The following EPSTI1 variants were observed in gnomAD, a reference collection of about 807,000 sequenced individuals.
EPSTI1 encodes the protein epithelial-stromal interaction protein 1.
In EPSTI1, 66 loss-of-function variants were observed where a neutral mutation model predicts 49.9. The observed-to-expected ratio is 1.32, with a 90% CI of 1.08 to 1.62. The LOEUF (loss-of-function observed/expected upper bound fraction) is 1.62, where lower values mean the gene tolerates loss of function less well. Among genes scored for constraint, EPSTI1 ranks in the 40% most tolerant of loss-of-function variants. The pLI, the probability that EPSTI1 is intolerant of heterozygous loss-of-function variation, is 0.00. For synonymous variants in EPSTI1, 137 were observed against 130.7 expected, an observed-to-expected ratio of 1.05 and a Z score of -0.33; for missense variants, 394 against 365.5, an observed-to-expected ratio of 1.08 and a Z score of -0.64.
At chr13:42,920,030 A>G (rs966908226) in intron 7 of EPSTI1, among the ~76,000 whole-genome samples, 10 of 152,002 alleles carry the variant, frequency 6.6e-5, no homozygotes, top group African/African-American at 2.4e-4. Flanking sequence ...TCTTCACATC[A>G]TCTCCCTTGT....
chr13:42,939,573 A>T (rs1347990020), intron 6 of EPSTI1, among the ~76,000 whole-genome samples: 2 of 152,204 alleles, frequency 1.3e-5, no homozygotes, highest in African/African-American at 4.8e-5. Context: ...CAGTCAGGGG[A>T]ACAGTTAGAA....
intron 6 of EPSTI1, among the ~76,000 whole-genome samples, chr13:42,941,441 T>TA (rs1331058963): frequency 1.3e-5 from 2 of 152,244 alleles, no homozygotes; most frequent in East Asian, 3.9e-4. Context: ...TAGTCATTTT[T>TA]AAAGATAGTT....
intron 1 of EPSTI1, among the ~76,000 whole-genome samples, chr13:42,977,443 A>G (rs2153434810): frequency 6.6e-6 from 1 of 152,362 alleles, no homozygotes; most frequent in East Asian, 1.9e-4. Context: ...TTGAGACATA[A>G]GTGGAAGTCA....
intron 3 of EPSTI1, 53 bp from the exon 4 acceptor site, chr13:42,964,192 C>T: frequency 4.1e-6 from 6 of 1,448,542 alleles, no homozygotes; most frequent in Non-Finnish European, 5.8e-6. Context: ...GCTGAAATGT[C>T]AGCCATCGAG....
At chr13:42,925,315 C>T (rs6561094) in intron 7 of EPSTI1, among the ~76,000 whole-genome samples, 101,521 of 152,092 alleles carry the variant, frequency 0.67, 34,140 homozygotes, top group Non-Finnish European at 0.71. Flanking sequence ...TTCCAATACC[C>T]TCAGTGCTCA....
chr13:42,901,133 C>T (rs1006673310), intron 8 of EPSTI1, among the ~76,000 whole-genome samples: 4 of 151,534 alleles, frequency 2.6e-5, no homozygotes, highest in African/African-American at 9.7e-5. Context: ...ATTTCAAAGA[C>T]AAAAAAAATG....
rs114130220 is a variant in EPSTI1, at chr13:42,893,482, T to C, written c.915+1527A>G. On this transcript the variant is annotated intron_variant, in intron 10 of 10. Transcript: ENST00000313624. Reference sequence around the variant, plus strand: ...AAAGCACTGATAACCCATTTGGACTTGGATATGCCCATCCTACTAAAAATT... The same window carrying C: ...AAAGCACTGATAACCCATTTGGACTCGGATATGCCCATCCTACTAAAAATT... Among the ~76,000 whole-genome samples, 877 of 152,324 alleles carry C rather than the reference T, an allele frequency of 5.8e-3. 9 individuals carry two copies. The highest frequency in any genetic ancestry group is 0.02 in the African/African-American group (822 of 41,552).
chr13:42,904,210 A>G (rs1018693575), intron 8 of EPSTI1, among the ~76,000 whole-genome samples: 1 of 152,218 alleles, frequency 6.6e-6, no homozygotes, highest in African/African-American at 2.4e-5. Context: ...TTTTAGGCTG[A>G]GACTCAGGAA....
At chr13:42,913,669 G>A (rs2037749923) in intron 8 of EPSTI1, among the ~76,000 whole-genome samples, 1 of 152,174 alleles carries the variant, frequency 6.6e-6, no homozygotes, top group Non-Finnish European at 1.5e-5. Context: ...AAAGTAGGAT[G>A]GATACTTGAA....
At chr13:42,921,937 C>A (rs763684631) in intron 7 of EPSTI1, among the ~76,000 whole-genome samples, 1 of 151,968 alleles carries the variant, frequency 6.6e-6, no homozygotes, top group African/African-American at 2.4e-5. Context: ...CGTCAAGAGG[C>A]ATTTTGTAGA....
intron 5 of EPSTI1, among the ~76,000 whole-genome samples, chr13:42,957,996 C>T (rs1315981737): frequency 2.0e-5 from 3 of 152,198 alleles, no homozygotes; most frequent in Non-Finnish European, 4.4e-5. Context: ...GGTCTCAAAG[C>T]CCTGGGCTCA....
intron 8 of EPSTI1, among the ~76,000 whole-genome samples, chr13:42,914,236 T>C (rs150696468): frequency 6.6e-5 from 10 of 152,326 alleles, no homozygotes; most frequent in African/African-American, 2.2e-4. Flanking sequence ...CTCCTTTTAA[T>C]TGTTTACTCC....
chr13:42,920,273 G>C (rs183017420), intron 7 of EPSTI1, among the ~76,000 whole-genome samples: 13 of 152,252 alleles, frequency 8.5e-5, no homozygotes, highest in African/African-American at 2.6e-4. Context: ...GAGTAAAGAT[G>C]TTCCTGTTCC....
Position 42,992,240 on chromosome 13 carries a change from A to C in EPSTI1, c.-75T>G. 7.0e-7 allele frequency: 1 copy of C among 1,428,890 alleles called. No homozygotes were observed. The highest frequency in any genetic ancestry group is 9.3e-7 in the Non-Finnish European group (1 of 1,079,198). 88.5% of individuals were successfully genotyped at this position (1,428,890 alleles called of 1,614,324 possible). On this transcript the variant is annotated 5_prime_UTR_variant, in exon 1 of 11. Coordinates refer to ENST00000313624, the MANE Select transcript of EPSTI1 (RefSeq NM_033255.5). ...GCTGGGACGCTTAGCGAGTCTCAAG[A>C]TGGGATTCCAAAGTGCAGAGGCAGC...
chr13:42,922,413 AGGGT>A lies in EPSTI1; in HGVS notation c.657+3919_657+3922del, dbSNP rs551666508. Among the ~76,000 whole-genome samples, 166 of 152,268 alleles carry A rather than the reference AGGGT, an allele frequency of 1.1e-3. 3 individuals are homozygous for A. The highest frequency in any genetic ancestry group is 3.7e-3 in the African/African-American group (152 of 41,558). On this transcript the variant is annotated intron_variant, in intron 7 of 10. Coordinates refer to ENST00000313624, the MANE Select transcript of EPSTI1 (RefSeq NM_033255.5). The surrounding 1 kb of genome is among the most constrained non-coding windows in gnomAD (Gnocchi z 4.8). ...TAAGAGGAAGGCAGAAAGGTCAGGG[AGGGT>A]GCAGAAGGTTGGGTGAGATGGAAGC...
intron 3 of EPSTI1, among the ~76,000 whole-genome samples, 163 bp downstream of exon 3, chr13:42,968,920 ATACACACACAC>A (rs1166066346): frequency 7.9e-5 from 8 of 101,496 alleles, no homozygotes; most frequent in Admixed American, 2.1e-4. Flanking sequence ...AAAAAAAAAA[ATACACACACAC>A]ACACACACAC....
intron 8 of EPSTI1, among the ~76,000 whole-genome samples, chr13:42,913,799 C>T (rs2037752862): frequency 6.6e-6 from 1 of 152,180 alleles, no homozygotes; most frequent in Non-Finnish European, 1.5e-5. Flanking sequence ...CTCTGTGTCC[C>T]CAGCCAAACC....
At chr13:42,921,766 T>C (rs766140097) in intron 7 of EPSTI1, among the ~76,000 whole-genome samples, 4 of 151,960 alleles carry the variant, frequency 2.6e-5, no homozygotes, top group Admixed American at 1.3e-4. Flanking sequence ...GGCTGAGAAC[T>C]ACTGTGTTAA....
Position 42,888,374 on chromosome 13 carries a change from G to A in EPSTI1, c.*120C>T. 1.2e-6 allele frequency: 2 copies of A among 1,614,164 alleles called. No individual in the cohort carries two copies. Among genetic ancestry groups the A allele is most frequent in the Non-Finnish European group, 1.7e-6 (2 of 1,180,026 alleles). ...GTCACTCCTGACTGCACGGTCAAGT[G>A]TGTGGGCAGTTGAAATTAAGGTAAA... On this transcript the variant is annotated 3_prime_UTR_variant, in exon 11 of 11. Coordinates refer to ENST00000313624, the MANE Select transcript of EPSTI1 (RefSeq NM_033255.5).
Sources: allele counts gnomAD v4.1 joint callset (sites outside exome capture counted in the v4.1 genomes callset), GRCh38; gene constraint gnomAD v4.1.1; non-coding constraint Gnocchi (gnomAD v3.1); transcripts MANE v1.5; gene names NCBI Gene and HGNC (gene_info 2026-07-23, HGNC 2026-07-21).